Variants in SIPA1L2 observed in about 807,000 individuals in gnomAD.
The protein encoded by SIPA1L2 is signal-induced proliferation-associated 1-like protein 2.
SIPA1L2 carries 56 observed loss-of-function variants against 163.9 expected under a neutral mutation model. That is an observed-to-expected ratio of 0.34 (90% CI 0.28 to 0.43). SIPA1L2 has a LOEUF of 0.43. Among genes scored for constraint, SIPA1L2 ranks in the 20% least tolerant of loss-of-function variants. The pLI is 1.00. For synonymous variants in SIPA1L2, 877 were observed against 865.7 expected (o/e 1.01, Z -0.23); for missense variants, 1,974 against 2,193.5 (o/e 0.90, Z 2.00).
At chr1:232,610,460 T>A (rs1662179216) in intron 1 of SIPA1L2, among the ~76,000 whole-genome samples, 1 of 152,234 alleles carries the variant, frequency 6.6e-6, no homozygotes, top group South Asian at 2.1e-4. Flanking sequence ...AACTCGGTGC[T>A]ATGGAAGATG....
chr1:232,581,750 C>T (rs141228888), intron 1 of SIPA1L2, among the ~76,000 whole-genome samples: 123 of 152,258 alleles, frequency 8.1e-4, no homozygotes, highest in African/African-American at 2.9e-3. Flanking sequence ...ATTAAATGAC[C>T]TTTCCCAGAT....
At chr1:232,468,991 T>C (rs1664664656) in intron 8 of SIPA1L2, among the ~76,000 whole-genome samples, 1 of 152,226 alleles carries the variant, frequency 6.6e-6, no homozygotes. Flanking sequence ...CCAGCATAAC[T>C]GCTCGAGCAT....
In SIPA1L2 at chr1:232,405,122, T is replaced by C. The variant is rs551223754; in HGVS notation, c.4763-944A>G. 7.2e-5 allele frequency among the ~76,000 whole-genome samples: 11 copies of C among 152,290 alleles called. No homozygotes were observed. The East Asian group carries it at 9.7e-4, about 13-fold the overall frequency. On this transcript the variant is annotated intron_variant, in intron 19 of 22. Transcript: ENST00000674635. ...CAGTTAATTAAAAAGGATGGTCACA[T>C]TGAAGCTGCCAGGAACATATGAAGG...
At chr1:232,544,444 C>T (rs1250905941) in intron 2 of SIPA1L2, among the ~76,000 whole-genome samples, 1 of 151,962 alleles carries the variant, frequency 6.6e-6, no homozygotes, top group Non-Finnish European at 1.5e-5. Context: ...CCTGTAGTCC[C>T]AGCTACTTGG....
chr1:232,611,399 G>T (rs1662227974), intron 1 of SIPA1L2, among the ~76,000 whole-genome samples: 1 of 152,292 alleles, frequency 6.6e-6, no homozygotes, highest in Non-Finnish European at 1.5e-5. Flanking sequence ...GAACAGTTTG[G>T]AGGGCTCAGA....
At chr1:232,496,560 C>CAAA (rs71162247) in intron 3 of SIPA1L2, among the ~76,000 whole-genome samples, 28,509 of 104,472 alleles carry the variant, frequency 0.27, 3,080 homozygotes, top group Admixed American at 0.39. Flanking sequence ...CAGAAGCAGG[C>CAAA]AAAAAAAAAA....
In SIPA1L2 at chr1:232,515,235, A is replaced by G; in HGVS notation, c.105T>C (p.Ala35=). ...TGCCATTAATGGCTTTAAATTTCCG[A>G]GCAAAATAATCATCTGACTGCATGA... ...PRIMQSDDYF[A]RKFKAINGNM... The change falls in exon 3 of 23, where the codon GCT becomes GCC. Residue 35 remains alanine, a synonymous_variant. Coordinates refer to ENST00000674635, the MANE Select transcript of SIPA1L2 (RefSeq NM_020808.5). 1 of 1,614,130 alleles carries G rather than the reference A, an allele frequency of 6.2e-7. No homozygotes were observed.
intron 12 of SIPA1L2, among the ~76,000 whole-genome samples, chr1:232,442,822 T>C (rs1662986032): frequency 6.6e-6 from 1 of 152,236 alleles, no homozygotes; most frequent in Non-Finnish European, 1.5e-5. Context: ...AGAAAGTTGC[T>C]TGACATACAA....
At position 232,465,107 on chromosome 1, in the gene SIPA1L2, G is replaced by A. The variant is rs1664440297; in HGVS notation, c.2553C>T (p.Ser851=). The A allele has an allele frequency of 6.2e-7, 1 of 1,614,052 alleles. No homozygotes were observed. Among genetic ancestry groups the A allele is most frequent in the Non-Finnish European group, 8.5e-7 (1 of 1,180,036 alleles). The change falls in exon 9 of 23, where the codon AGC becomes AGT. Residue 851 remains serine (S), a synonymous_variant. Coordinates refer to ENST00000674635, the MANE Select transcript of SIPA1L2 (RefSeq NM_020808.5). The surrounding 1 kb of genome is among the most constrained non-coding windows in gnomAD (Gnocchi z 4.1). ...TCACGTGCCACATGATGGCCCCAAT[G>A]CTAAACAAGTGGGCATCCTTCCTTG... ...VKPRKDAHLF[S]IGAIMWHVIA... is the part of the protein sequence containing the mutation.
intron 3 of SIPA1L2, among the ~76,000 whole-genome samples, chr1:232,496,019 T>G (rs1223184803): frequency 3.3e-5 from 5 of 152,188 alleles, no homozygotes; most frequent in African/African-American, 1.2e-4. Context: ...TTAAGTAAAT[T>G]TTTTTATAAA....
rs986466911 is a variant in SIPA1L2 at position 232,471,440 on chromosome 1, C to T, written c.2174G>A (p.Arg725Gln). 3.7e-6 allele frequency: 6 copies of T among 1,613,888 alleles called. No homozygotes were observed. Among genetic ancestry groups the T allele is most frequent in the Admixed American group, 1.7e-5 (1 of 59,988 alleles). Residue 725 changes from arginine to glutamine, a missense_variant, in exon 8 of 23, where the codon CGG (arginine) becomes CAG (glutamine). By Grantham distance (43) the Arg-to-Gln change is conservative. Coordinates refer to ENST00000674635, the MANE Select transcript of SIPA1L2 (RefSeq NM_020808.5). ...GACAAAGACATGCTGAAAGTGAGAC[C>T]GGATGCTTTTTGGAGTAAAAGGAAG... ...GALPFTPKSI[R>Q]SHFQHVFVIV... is the part of the protein sequence containing the mutation.
At chr1:232,468,789 G>A (rs930709476) in intron 8 of SIPA1L2, among the ~76,000 whole-genome samples, 3 of 152,150 alleles carry the variant, frequency 2.0e-5, no homozygotes, top group African/African-American at 7.2e-5. Context: ...TGAGCATTTT[G>A]CAGAGAGTTT....
intron 2 of SIPA1L2, among the ~76,000 whole-genome samples, chr1:232,526,649 C>A (rs1667724422): frequency 6.6e-6 from 1 of 152,180 alleles, no homozygotes; most frequent in African/African-American, 2.4e-5. Flanking sequence ...CTTGAGAGTT[C>A]TTCCAACTCC....
At chr1:232,561,878 G>A (rs149441628) in intron 2 of SIPA1L2, among the ~76,000 whole-genome samples, 5 of 152,306 alleles carry the variant, frequency 3.3e-5, no homozygotes, top group East Asian at 1.9e-4. Flanking sequence ...TGGGTACTTC[G>A]GCAAAGGCCT....
chr1:232,507,129 C>G (rs941355564), intron 3 of SIPA1L2, among the ~76,000 whole-genome samples: 2 of 151,680 alleles, frequency 1.3e-5, no homozygotes, highest in African/African-American at 2.4e-5. Flanking sequence ...CCCAGGGTAC[C>G]ACATTCCATT....
intron 17 of SIPA1L2, among the ~76,000 whole-genome samples, chr1:232,427,619 C>T (rs1338855946): frequency 2.0e-5 from 3 of 149,954 alleles, no homozygotes; most frequent in Non-Finnish European, 2.9e-5. Context: ...TGGGCTAAAT[C>T]GCCTTTAAGT....
At position 232,514,085 on chromosome 1, in the gene SIPA1L2, C is replaced by T; in HGVS notation, c.1255G>A (p.Glu419Lys). 6.2e-7 allele frequency: 1 copy of T among 1,614,192 alleles called. No homozygotes were observed. Among genetic ancestry groups the T allele is most frequent in the Non-Finnish European group, 8.5e-7 (1 of 1,180,030 alleles). Residue 419 changes from glutamate to lysine, a missense_variant, in exon 3 of 23, where the codon GAA becomes AAA. This residue lies in a region of SIPA1L2 where 607 missense variants were observed against 624.0 expected (regional missense o/e 0.97). Coordinates refer to ENST00000674635, the MANE Select transcript of SIPA1L2 (RefSeq NM_020808.5). ...GAGAGCGCAATCCGCCTGTCGCCTT[C>T]CCCTCCAGTCTCATTTCTAAAGTAA... ...CPYFRNETGG[E>K]GDRRIALSRA...
rs1038492910 is a variant in SIPA1L2, at chr1:232,612,387, T to A, written c.-319+17482A>T. ...CCACCAACAGCTTGCACCGTTCGCC[T>A]GGAAAAGCTGCAGACACTCAATGCC... On this transcript the variant is annotated intron_variant, in intron 1 of 22. Coordinates refer to ENST00000674635, the MANE Select transcript of SIPA1L2 (RefSeq NM_020808.5). Among the ~76,000 whole-genome samples the A allele has an allele frequency of 5.3e-5, 8 of 152,224 alleles. No homozygotes were observed. The East Asian group carries it at 1.5e-3, about 29-fold the overall frequency.
chr1:232,611,969 G>A (rs969234124), intron 1 of SIPA1L2, among the ~76,000 whole-genome samples: 1 of 152,170 alleles, frequency 6.6e-6, no homozygotes, highest in African/African-American at 2.4e-5. Flanking sequence ...CAGGCCCAGG[G>A]TTCCTGTGCC....
Sources: gnomAD v4.1 joint callset for allele counts (sites outside exome capture counted in the v4.1 genomes callset) on GRCh38, gnomAD v4.1.1 for gene constraint, gnomAD v4.1.1 regional missense constraint, Gnocchi (gnomAD v3.1) non-coding constraint, MANE v1.5 for transcripts, NCBI Gene and HGNC (gene_info 2026-07-23, HGNC 2026-07-21) for gene names.